The following CDRT4 variants were observed in gnomAD, a reference collection of about 807,000 sequenced individuals.
CDRT4 encodes CMT1A duplicated region transcript 4, also known as CMT1A duplicated region transcript 4 protein.
For missense variants in CDRT4, 167 were observed against 193.1 expected (o/e 0.87, Z 0.80); for synonymous variants, 64 against 69.6 (o/e 0.92, Z 0.40).
At position 15,450,789 on chromosome 17, in the gene CDRT4, A is replaced by G. The variant is rs1979226421; in HGVS notation, c.-48+2215T>C. On this transcript the variant is annotated intron_variant, in intron 2 of 3. Coordinates refer to ENST00000619038, the MANE Select transcript of CDRT4 (RefSeq NM_001204477.2). This position sits in a 1 kb window ranked among gnomAD's most constrained non-coding sequence, Gnocchi z 4.2. Reference sequence around the variant, plus strand: ...CAAACTCTTGACCTTACTCCATAAAATGTTCCTCTCTGGTCTCTTCCATCT... The same window carrying G: ...CAAACTCTTGACCTTACTCCATAAAGTGTTCCTCTCTGGTCTCTTCCATCT... Among the ~76,000 whole-genome samples, 1 of 152,196 alleles carries G rather than the reference A, an allele frequency of 6.6e-6. No homozygotes were observed. Among genetic ancestry groups the G allele is most frequent in the African/African-American group, 2.4e-5 (1 of 41,436 alleles).
At chr17:15,466,515 C>G (rs1016144019) in intron 1 of CDRT4, among the ~76,000 whole-genome samples, 11 of 152,136 alleles carry the variant, frequency 7.2e-5, no homozygotes, top group Admixed American at 5.2e-4. Flanking sequence ...ATTCCTTGTT[C>G]TAAATTACTT....
intron 2 of CDRT4, chr17:15,443,758 C>T (rs1978885447): frequency 6.0e-6 from 3 of 501,710 alleles, no homozygotes; most frequent in Non-Finnish European, 1.2e-5. Flanking sequence ...CAGTGTAGAA[C>T]CCAGTCTTCT....
chr17:15,464,982 CA>C lies in CDRT4; in HGVS notation c.-130+2477del, dbSNP rs1252849715. ...ACACACACACCAACAGACACACCAACACACAGACACACGCAATACAGACACA... is the reference window on the plus strand; with the variant it reads ...ACACACACACCAACAGACACACCAACCACAGACACACGCAATACAGACACA... On this transcript the variant is annotated intron_variant, in intron 1 of 3. Coordinates refer to ENST00000619038, the MANE Select transcript of CDRT4 (RefSeq NM_001204477.2). The surrounding 1 kb of genome is among the most constrained non-coding windows in gnomAD (Gnocchi z 4.5). 2.7e-5 allele frequency among the ~76,000 whole-genome samples: 4 copies of C among 150,830 alleles called. No homozygotes were observed. The highest frequency in any genetic ancestry group is 5.9e-5 in the Non-Finnish European group (4 of 67,684).
chr17:15,440,347 C>A (rs1276823008), intron 2 of CDRT4, 62 bp from the exon 3 acceptor site: 5 of 1,575,868 alleles, frequency 3.2e-6, no homozygotes, highest in Non-Finnish European at 3.4e-6. Flanking sequence ...TAGTAGCCAC[C>A]CTGGGTGGGG....
intron 1 of CDRT4, among the ~76,000 whole-genome samples, chr17:15,459,494 G>T (rs946722495): frequency 6.9e-6 from 1 of 145,318 alleles, no homozygotes; most frequent in Non-Finnish European, 1.5e-5. Flanking sequence ...ACCTAGGCTG[G>T]AGTGCAGTGG....
chr17:15,459,215 G>A lies in CDRT4; in HGVS notation c.-129-6130C>T, dbSNP rs1597468034. Among the ~76,000 whole-genome samples the A allele has an allele frequency of 2.0e-5, 3 of 152,118 alleles. No homozygotes were observed. In the South Asian group the frequency reaches 6.2e-4, roughly 32 times the overall value. On this transcript the variant is annotated intron_variant, in intron 1 of 3. Transcript: ENST00000619038. ...TTCTAAAACTTTTTTTGCAGAAGAG[G>A]CAGGAACCTCCCCTCCACTCATGAA...
At chr17:15,451,648 G>T (rs1006502182) in intron 2 of CDRT4, among the ~76,000 whole-genome samples, 5 of 152,022 alleles carry the variant, frequency 3.3e-5, no homozygotes, top group African/African-American at 1.2e-4. Context: ...CCCACCTCAG[G>T]GTCCTTCCCC....
At chr17:15,446,241 G>A (rs577965863) in intron 2 of CDRT4, among the ~76,000 whole-genome samples, 15 of 151,900 alleles carry the variant, frequency 9.9e-5, no homozygotes, top group South Asian at 2.1e-4. Flanking sequence ...GGGAAGCACC[G>A]AGTGCACACC....
chr17:15,438,112 C>A lies in CDRT4; in HGVS notation c.120G>T (p.Val40=). ...PAYVTYTSQT[V]KRLIEKSKTR... ...TTTTGCTTTTCTCAATGAGTCTTTT[C>A]ACTGTCTGAGAGGTATAGGTGACAT... Residue 40 remains valine (V), a synonymous_variant, in exon 4 of 4, where the codon GTG becomes GTT. Coordinates refer to ENST00000619038, the MANE Select transcript of CDRT4 (RefSeq NM_001204477.2). The A allele has an allele frequency of 6.2e-7, 1 of 1,614,132 alleles. No individual in the cohort carries two copies. Among genetic ancestry groups the A allele is most frequent in the Non-Finnish European group, 8.5e-7 (1 of 1,180,022 alleles).
intron 1 of CDRT4, among the ~76,000 whole-genome samples, chr17:15,460,236 C>T (rs1303039421): frequency 6.6e-6 from 1 of 152,154 alleles, no homozygotes; most frequent in Non-Finnish European, 1.5e-5. Flanking sequence ...AGTTTGTTAA[C>T]CAGCACCCCT....
intron 1 of CDRT4, among the ~76,000 whole-genome samples, chr17:15,454,926 G>A (rs913370759): frequency 1.3e-5 from 2 of 152,236 alleles, no homozygotes; most frequent in Non-Finnish European, 1.5e-5. Flanking sequence ...GATCCATAAG[G>A]AGCTTTGTAA....
rs78593311 is a variant in CDRT4 at position 15,437,712 on chromosome 17, G to C, written c.*61C>G. The C allele has an allele frequency of 1.7e-3, 2,602 of 1,530,732 alleles. 33 individuals are homozygous for C. In the African/African-American group the frequency reaches 0.032, roughly 19 times the overall value. 94.8% of individuals were successfully genotyped at this position (1,530,732 alleles called of 1,614,324 possible). ...GGTAAATGGAGCTTAACTTTTGTAC[G>C]TTCTTGGGGAATGGCTGCAGGGACC... On this transcript the variant is annotated 3_prime_UTR_variant, in exon 4 of 4. Transcript: ENST00000619038.
chr17:15,458,957 T>C (rs1411864411), intron 1 of CDRT4, among the ~76,000 whole-genome samples: 1 of 152,188 alleles, frequency 6.6e-6, no homozygotes, highest in African/African-American at 2.4e-5. Context: ...GGGGATTCTG[T>C]TGCTCATGAA....
chr17:15,448,872 G>A (rs770366616), intron 2 of CDRT4, among the ~76,000 whole-genome samples: 2 of 152,158 alleles, frequency 1.3e-5, no homozygotes, highest in African/African-American at 4.8e-5. Context: ...TGTCATCACC[G>A]TGGCTTCTTC....
chr17:15,465,502 G>C (rs934242014), intron 1 of CDRT4, among the ~76,000 whole-genome samples: 1 of 143,962 alleles, frequency 6.9e-6, no homozygotes, highest in Non-Finnish European at 1.5e-5. Flanking sequence ...TACAAACACA[G>C]ACACACACAA....
intron 1 of CDRT4, among the ~76,000 whole-genome samples, chr17:15,460,965 C>A (rs989037760): frequency 6.6e-6 from 1 of 151,918 alleles, no homozygotes. Flanking sequence ...TTCCCTCCCT[C>A]CAGATTGACT....
At chr17:15,462,487 G>A (rs1597470841) in intron 1 of CDRT4, among the ~76,000 whole-genome samples, 2 of 150,478 alleles carry the variant, frequency 1.3e-5, no homozygotes, top group South Asian at 2.1e-4. Flanking sequence ...ACCATGAAGG[G>A]ACCCTACTTT....
At position 15,446,911 on chromosome 17, in the gene CDRT4, T is replaced by C. The variant is rs562717756; in HGVS notation, c.-48+6093A>G. Among the ~76,000 whole-genome samples the C allele has an allele frequency of 6.6e-5, 10 of 152,304 alleles. No individual in the cohort carries two copies. The South Asian group carries it at 1.5e-3, about 22-fold the overall frequency. The stretch of plus-strand genomic sequence containing the variant: ...GGTGAAAACGCAGTTCAAGTACCTA[T>C]GGCCATTCAACATATTCATTCATGC... On this transcript the variant is annotated intron_variant, in intron 2 of 3. Coordinates refer to ENST00000619038, the MANE Select transcript of CDRT4 (RefSeq NM_001204477.2).
At chr17:15,462,331 G>C (rs1172688328) in intron 1 of CDRT4, among the ~76,000 whole-genome samples, 1 of 147,014 alleles carries the variant, frequency 6.8e-6, no homozygotes, top group Non-Finnish European at 1.5e-5. Flanking sequence ...GGGAGGCTGA[G>C]TCAGGAGAAT....
Sources: allele counts gnomAD v4.1 joint callset (sites outside exome capture counted in the v4.1 genomes callset), GRCh38; gene constraint gnomAD v4.1.1; non-coding constraint Gnocchi (gnomAD v3.1); transcripts MANE v1.5; gene names NCBI Gene and HGNC (gene_info 2026-07-23, HGNC 2026-07-21).